NCMAP: variants seen among roughly 807,000 people sequenced by gnomAD.
The protein encoded by NCMAP is non-compact myelin associated protein.
In NCMAP, 8 loss-of-function variants were observed where a neutral mutation model predicts 7.8. The ratio of observed to expected loss-of-function variants is 1.02; its 90% CI spans 0.60 to 1.84. The LOEUF (loss-of-function observed/expected upper bound fraction) is 1.84. Among genes scored for constraint, NCMAP ranks in the 40% most tolerant of loss-of-function variants. The probability of loss-of-function intolerance (pLI) is 0.00; values close to 1 mark genes in which losing one functional copy is unlikely to be tolerated. For missense variants in NCMAP, 112 were observed against 131.4 expected, an observed-to-expected ratio of 0.85 and a Z score of 0.72; for synonymous variants, 41 against 52.9, an observed-to-expected ratio of 0.78 and a Z score of 0.98.
chr1:24,575,331 C>T (rs185304476), intron 1 of NCMAP, among the ~76,000 whole-genome samples: 38 of 152,152 alleles, frequency 2.5e-4, no homozygotes, highest in Admixed American at 1.3e-4. Flanking sequence ...TTAGAGCCCA[C>T]GAAAATGTAT....
chr1:24,602,738 G>GAAA (rs879803450), intron 3 of NCMAP, among the ~76,000 whole-genome samples: 1 of 143,616 alleles, frequency 7.0e-6, no homozygotes, highest in African/African-American at 2.5e-5. Context: ...CCTGTCTCTG[G>GAAA]AAAAAAAAAA....
At chr1:24,578,390 T>C (rs1443339876) in intron 1 of NCMAP, among the ~76,000 whole-genome samples, 2 of 144,032 alleles carry the variant, frequency 1.4e-5, no homozygotes, top group Non-Finnish European at 3.0e-5. Flanking sequence ...AACTGGGGTC[T>C]CCAGGATCCT....
intron 3 of NCMAP, among the ~76,000 whole-genome samples, chr1:24,604,247 T>C (rs567835802): frequency 6.6e-6 from 1 of 152,140 alleles, no homozygotes; most frequent in South Asian, 2.1e-4. Flanking sequence ...CTGTACTATT[T>C]GTGCAACTTC....
intron 1 of NCMAP, among the ~76,000 whole-genome samples, chr1:24,558,169 G>A (rs888305717): frequency 3.3e-5 from 5 of 152,200 alleles, no homozygotes; most frequent in Admixed American, 1.3e-4. Flanking sequence ...GTTGGGAGGC[G>A]CTGGACCCCC....
In NCMAP at chr1:24,595,411, T is replaced by C; in HGVS notation, c.-7-13T>C. ...TCTAATTTTAAACAAAATATCTTCT[T>C]CTTTCTCATCAGGATCGAGATGACC... On this transcript the variant is annotated splice_polypyrimidine_tract_variant and intron_variant, in intron 1 of 3. Transcript: ENST00000374392. The C allele has an allele frequency of 6.3e-7, 1 of 1,581,876 alleles. No homozygotes were observed. Among genetic ancestry groups the C allele is most frequent in the South Asian group, 1.1e-5 (1 of 90,164 alleles).
chr1:24,600,877 G>A, intron 2 of NCMAP, 63 bp from the exon 3 acceptor site: 3 of 1,445,096 alleles, frequency 2.1e-6, no homozygotes, highest in Non-Finnish European at 2.9e-6. Flanking sequence ...GCCACAGCAG[G>A]GCGCCCTCCT....
intron 1 of NCMAP, among the ~76,000 whole-genome samples, chr1:24,561,076 T>TA (rs1229268520): frequency 2.1e-4 from 32 of 149,182 alleles, no homozygotes; most frequent in African/African-American, 7.7e-4. Context: ...CTCATGCCTA[T>TA]AATCCCAGCA....
In NCMAP at chr1:24,573,952, C is replaced by CA. The variant is rs78594011; in HGVS notation, c.-8+17802dup. Among the ~76,000 whole-genome samples, 519 of 84,408 alleles carry CA rather than the reference C, an allele frequency of 6.1e-3. 19 individuals carry two copies. Among genetic ancestry groups the CA allele is most frequent in the East Asian group, 0.019 (46 of 2,480 alleles). 55.4% of individuals were successfully genotyped at this position (84,408 alleles called of 152,430 possible). On this transcript the variant is annotated intron_variant, in intron 1 of 3. Transcript: ENST00000374392. ...CACTCTGCTGGGGACCCAGAGAGGA[C>CA]AAAAAAAAAAAAAAAAAAACAGAAA...
intron 1 of NCMAP, among the ~76,000 whole-genome samples, chr1:24,583,178 T>G (rs966494178): frequency 1.3e-5 from 2 of 152,118 alleles, no homozygotes; most frequent in Non-Finnish European, 2.9e-5. Flanking sequence ...CCCAAGGACA[T>G]TTGGAAATGT....
intron 1 of NCMAP, among the ~76,000 whole-genome samples, chr1:24,572,279 G>A (rs1014322298): frequency 1.3e-5 from 2 of 150,776 alleles, no homozygotes; most frequent in African/African-American, 5.0e-5. Flanking sequence ...ACTGGGATAT[G>A]ACTTGGAGGT....
intron 1 of NCMAP, among the ~76,000 whole-genome samples, chr1:24,590,066 C>T (rs1652002424): frequency 6.6e-6 from 1 of 152,184 alleles, no homozygotes; most frequent in South Asian, 2.1e-4. Flanking sequence ...TCCCAAAGTG[C>T]TGGGATTACA....
chr1:24,573,952 C>CAAAAAAAAAAAAAAAAAAAAAAAAAAAA (rs78594011), intron 1 of NCMAP, among the ~76,000 whole-genome samples: 28 of 84,436 alleles, frequency 3.3e-4, no homozygotes, highest in East Asian at 1.2e-3. Context: ...CCAGAGAGGA[C>CAAAAAAAAAAAAAAAAAAAAAAAAAAAA]AAAAAAAAAA....
intron 1 of NCMAP, among the ~76,000 whole-genome samples, chr1:24,592,762 CA>C (rs1016009862): frequency 1.3e-5 from 2 of 151,880 alleles, no homozygotes. Context: ...ATTAAAAATA[CA>C]AAAAAATTAG....
At chr1:24,579,461 G>T (rs1297659174) in intron 1 of NCMAP, among the ~76,000 whole-genome samples, 1 of 152,084 alleles carries the variant, frequency 6.6e-6, no homozygotes, top group Non-Finnish European at 1.5e-5. Flanking sequence ...TAGGCTGGGG[G>T]TGGTGGCTCA....
Position 24,605,761 on chromosome 1 carries a change from G to A in NCMAP, c.*14G>A, listed in dbSNP as rs746870715. 21 of 1,613,716 alleles carry A rather than the reference G, an allele frequency of 1.3e-5. No homozygotes were observed. Among genetic ancestry groups the A allele is most frequent in the South Asian group, 2.2e-5 (2 of 91,052 alleles). On this transcript the variant is annotated 3_prime_UTR_variant, in exon 4 of 4. Coordinates refer to ENST00000374392, the MANE Select transcript of NCMAP (RefSeq NM_001010980.5). Reference sequence around the variant, plus strand: ...GAGACGCGATGACCTCTACCCTGGCGCTATCTCCACCACTGTCCAAAGAGC... The same window carrying A: ...GAGACGCGATGACCTCTACCCTGGCACTATCTCCACCACTGTCCAAAGAGC...
At chr1:24,586,941 G>A (rs1317880053) in intron 1 of NCMAP, among the ~76,000 whole-genome samples, 2 of 152,170 alleles carry the variant, frequency 1.3e-5, no homozygotes, top group Non-Finnish European at 2.9e-5. Context: ...GATAGATATT[G>A]TGTACAGCAC....
intron 1 of NCMAP, among the ~76,000 whole-genome samples, chr1:24,573,120 T>TG (rs1651439516): frequency 6.6e-6 from 1 of 150,676 alleles, no homozygotes; most frequent in South Asian, 2.1e-4. Flanking sequence ...CGCCTGTCTA[T>TG]GGGGCAGACC....
chr1:24,577,422 T>G (rs1211996708), intron 1 of NCMAP, among the ~76,000 whole-genome samples: 2 of 147,000 alleles, frequency 1.4e-5, no homozygotes, highest in African/African-American at 2.5e-5. Context: ...TTTTTTTTTT[T>G]TTTTTTTTTG....
At chr1:24,561,359 A>G (rs1651044592) in intron 1 of NCMAP, among the ~76,000 whole-genome samples, 1 of 152,118 alleles carries the variant, frequency 6.6e-6, no homozygotes, top group South Asian at 2.1e-4. Context: ...AAAAAAGAAA[A>G]AGAAATACTT....
Sources: allele counts gnomAD v4.1 joint callset (sites outside exome capture counted in the v4.1 genomes callset), GRCh38; gene constraint gnomAD v4.1.1; transcripts MANE v1.5; gene names NCBI Gene and HGNC (gene_info 2026-07-23, HGNC 2026-07-21).